Variants in NCS1 observed in about 807,000 individuals in gnomAD.
NCS1 encodes the protein neuronal calcium sensor 1, also known as frequenin homolog.
In NCS1, 6 loss-of-function variants were observed where a neutral mutation model predicts 28.4. That is an observed-to-expected ratio of 0.21 (90% CI 0.12 to 0.42). The LOEUF (loss-of-function observed/expected upper bound fraction) is 0.42, where lower values mean the gene tolerates loss of function less well. Ranked by LOEUF, NCS1 falls within the 10% of genes least tolerant of loss-of-function variation. The pLI, the probability that NCS1 is intolerant of heterozygous loss-of-function variation, is 1.00. For synonymous variants in NCS1, 86 were observed against 99.3 expected (o/e 0.87, Z 0.79); for missense variants, 131 against 241.4 (o/e 0.54, Z 3.03).
At chr9:130,205,320 A>G (rs782122836) in intron 2 of NCS1, among the ~76,000 whole-genome samples, 45 of 151,998 alleles carry the variant, frequency 3.0e-4, no homozygotes, top group Non-Finnish European at 4.6e-4. Flanking sequence ...TCCCGCAGCA[A>G]AACAGGGACC....
intron 2 of NCS1, among the ~76,000 whole-genome samples, chr9:130,217,192 C>G (rs755721107): frequency 1.1e-4 from 16 of 152,334 alleles, no homozygotes; most frequent in Non-Finnish European, 1.9e-4. Flanking sequence ...ATTGGGAGTG[C>G]AAAGCCATTC....
At chr9:130,199,654 G>T (rs145619210) in intron 1 of NCS1, among the ~76,000 whole-genome samples, 1 of 152,348 alleles carries the variant, frequency 6.6e-6, no homozygotes, top group African/African-American at 2.4e-5. Context: ...CATAAGAGCC[G>T]TTGAGCTAAA....
rs1386290115 is a variant in NCS1 at position 130,177,935 on chromosome 9, T to C, written c.64+5208T>C. On this transcript the variant is annotated intron_variant, in intron 1 of 7. Coordinates refer to ENST00000372398, the MANE Select transcript of NCS1 (RefSeq NM_014286.4). The surrounding 1 kb of genome is among the most constrained non-coding windows in gnomAD (Gnocchi z 4.4). ...GGCTTCACTTTCCGCCTCTGGAAAA[T>C]GGGCAGTTTTGGAAGGCCTCAGTGT... is the stretch of plus-strand genomic sequence containing the variant. 1.3e-5 allele frequency among the ~76,000 whole-genome samples: 2 copies of C among 152,186 alleles called. No homozygotes were observed. The highest frequency in any genetic ancestry group is 4.8e-5 in the African/African-American group (2 of 41,452).
At chr9:130,176,202 T>TTC (rs1816034257) in intron 1 of NCS1, among the ~76,000 whole-genome samples, 3 of 77,932 alleles carry the variant, frequency 3.8e-5, no homozygotes, top group East Asian at 4.0e-4. Flanking sequence ...TTCTTTTTTT[T>TTC]TTTTTTTGGA....
chr9:130,204,562 G>A (rs1833000403), intron 2 of NCS1, among the ~76,000 whole-genome samples: 2 of 152,138 alleles, frequency 1.3e-5, no homozygotes, highest in South Asian at 2.1e-4. Flanking sequence ...TAGCTGAGAC[G>A]GCAGGTGCGA....
At chr9:130,178,787 GAC>G (rs56052982) in intron 1 of NCS1, among the ~76,000 whole-genome samples, 24,428 of 142,780 alleles carry the variant, frequency 0.17, 2,770 homozygotes, top group East Asian at 0.59. Context: ...TGACATGAAA[GAC>G]AGATTCCAGA....
intron 2 of NCS1, among the ~76,000 whole-genome samples, chr9:130,214,516 A>G (rs1833157216): frequency 6.6e-6 from 1 of 152,128 alleles, no homozygotes; most frequent in Non-Finnish European, 1.5e-5. Flanking sequence ...TTCCTGCTGA[A>G]CTGACTGGGC....
Position 130,235,801 on chromosome 9 carries a change from C to T in NCS1, c.*2829C>T, listed in dbSNP as rs1281419343. The T allele has an allele frequency of 1.3e-5, 2 of 152,462 alleles. No homozygotes were observed. The highest frequency in any genetic ancestry group is 4.8e-5 in the African/African-American group (2 of 41,474). The allele number at this position is 152,462 out of a possible 1,614,324, so 9.4% of individuals were successfully genotyped here. On this transcript the variant is annotated 3_prime_UTR_variant, in exon 8 of 8. Coordinates refer to ENST00000372398, the MANE Select transcript of NCS1 (RefSeq NM_014286.4). ...TGCCTCCTGAGCAGCCCGTGCGCCTCTCCACAGCGGCGTTTGCCACCCAAT... is the reference window on the plus strand; with the variant it reads ...TGCCTCCTGAGCAGCCCGTGCGCCTTTCCACAGCGGCGTTTGCCACCCAAT...
chr9:130,221,411 TATAGAGAGAGAGAGAGAGAG>T (rs1335627680), intron 4 of NCS1, among the ~76,000 whole-genome samples: 1 of 51,996 alleles, frequency 1.9e-5, no homozygotes, highest in Non-Finnish European at 3.3e-5. Flanking sequence ...TATATATATA[TATAGAGAGAGAGAGAGAGAG>T]AGAGAGAGAG....
chr9:130,224,862 G>T (rs567472408), intron 6 of NCS1, among the ~76,000 whole-genome samples: 17 of 152,130 alleles, frequency 1.1e-4, no homozygotes, highest in Admixed American at 1.1e-3. Flanking sequence ...AAATAATGAC[G>T]TTAGGGAAAT....
intron 1 of NCS1, among the ~76,000 whole-genome samples, chr9:130,194,517 C>G (rs1554906584): frequency 6.6e-6 from 1 of 152,118 alleles, no homozygotes; most frequent in East Asian, 1.9e-4. Context: ...GGATGCCCAG[C>G]CCCCCCTCTC....
At position 130,180,095 on chromosome 9, in the gene NCS1, C is replaced by T. The variant is rs1446791147; in HGVS notation, c.64+7368C>T. Among the ~76,000 whole-genome samples, 2 of 152,164 alleles carry T rather than the reference C, an allele frequency of 1.3e-5. No individual in the cohort carries two copies. The highest frequency in any genetic ancestry group is 2.4e-5 in the African/African-American group (1 of 41,502). On this transcript the variant is annotated intron_variant, in intron 1 of 7. Transcript: ENST00000372398. This position sits in a 1 kb window ranked among gnomAD's most constrained non-coding sequence, Gnocchi z 4.5. ...CGTCACCCAGGCTAGAGTGCAGTGG[C>T]GCGATCTCGGCTCACTATAATCGCC...
At chr9:130,187,669 T>C (rs10760662) in intron 1 of NCS1, among the ~76,000 whole-genome samples, 147,090 of 152,278 alleles carry the variant, frequency 0.97, 71,074 homozygotes, top group East Asian at 1. Context: ...GTGCCACCGT[T>C]GCCCAGTCTC....
Position 130,219,324 on chromosome 9 carries a change from TAAAC to T in NCS1, c.229-398_229-395del, listed in dbSNP as rs1833235818. Among the ~76,000 whole-genome samples, 1 of 152,146 alleles carries T rather than the reference TAAAC, an allele frequency of 6.6e-6. No individual in the cohort carries two copies. The highest frequency in any genetic ancestry group is 6.5e-5 in the Admixed American group (1 of 15,276). On this transcript the variant is annotated intron_variant, in intron 3 of 7. Coordinates refer to ENST00000372398, the MANE Select transcript of NCS1 (RefSeq NM_014286.4). This position sits in a 1 kb window ranked among gnomAD's most constrained non-coding sequence, Gnocchi z 5.7. ...TTCATTTGCAAATAAGAGGTGGAAT[TAAAC>T]AACCTGCAGCGGCCTTTCCTCTGCA... is the stretch of plus-strand genomic sequence containing the variant.
At chr9:130,200,752 A>G (rs1832933869) in intron 1 of NCS1, 4 of 1,410,228 alleles carry the variant, frequency 2.8e-6, no homozygotes, top group Middle Eastern at 1.9e-4. Flanking sequence ...GGGTGGGGCC[A>G]GTGTCCCCTG....
chr9:130,183,641 CTCTT>C (rs562210262), intron 1 of NCS1, among the ~76,000 whole-genome samples: 59 of 150,642 alleles, frequency 3.9e-4, no homozygotes, highest in South Asian at 6.3e-4. Flanking sequence ...CTCTTTATCT[CTCTT>C]TCTTTCTTTC....
At chr9:130,199,503 G>A (rs781994258) in intron 1 of NCS1, among the ~76,000 whole-genome samples, 9 of 152,192 alleles carry the variant, frequency 5.9e-5, no homozygotes, top group Non-Finnish European at 1.3e-4. Context: ...GAGGCATCTA[G>A]CCTGCCCAGG....
At chr9:130,194,516 G>GC (rs1554906582) in intron 1 of NCS1, among the ~76,000 whole-genome samples, 2 of 152,096 alleles carry the variant, frequency 1.3e-5, no homozygotes, top group African/African-American at 4.8e-5. Flanking sequence ...TGGATGCCCA[G>GC]CCCCCCCTCT....
chr9:130,172,762 GTCACCCCCACACCCAC>G, intron 1 of NCS1, 35 bp downstream of exon 1: 1 of 1,346,566 alleles, frequency 7.4e-7, no homozygotes, highest in East Asian at 3.5e-5. Context: ...GCGCCCCGCG[GTCACCCCCACACCCAC>G]CGCCCCCGCC....
Sources: allele counts gnomAD v4.1 joint callset (sites outside exome capture counted in the v4.1 genomes callset), GRCh38; gene constraint gnomAD v4.1.1; non-coding constraint Gnocchi (gnomAD v3.1); transcripts MANE v1.5; gene names NCBI Gene and HGNC (gene_info 2026-07-23, HGNC 2026-07-21).